Variants in CDH13 observed in about 807,000 individuals in gnomAD.
CDH13 encodes the protein cadherin-13.
Under a neutral mutation model 63.8 loss-of-function variants are expected in CDH13, and 24 were observed. The observed-to-expected ratio is 0.38, with a 90% confidence interval of 0.27 to 0.53. CDH13 has a LOEUF of 0.53. Among genes scored for constraint, CDH13 ranks in the 20% least tolerant of loss-of-function variants. CDH13 has a pLI of 0.85. For missense variants in CDH13, 1,049 were observed against 903.1 expected (o/e 1.16, Z -2.07); for synonymous variants, 503 against 355.3 (o/e 1.42, Z -4.67).
intron 4 of CDH13, among the ~76,000 whole-genome samples, chr16:83,160,365 A>T (rs1387020514): frequency 6.6e-6 from 1 of 152,164 alleles, no homozygotes; most frequent in Non-Finnish European, 1.5e-5. Context: ...ACCGTAAAAA[A>T]ATAAGTTTGA....
chr16:83,236,371 C>A (rs11862822), intron 5 of CDH13, among the ~76,000 whole-genome samples: 2,261 of 152,198 alleles, frequency 0.015, 56 homozygotes, highest in African/African-American at 0.052. Context: ...TGAAGATTTG[C>A]AGGCCAGAAA....
At chr16:83,114,880 C>T (rs570703578) in intron 3 of CDH13, among the ~76,000 whole-genome samples, 14 of 152,308 alleles carry the variant, frequency 9.2e-5, no homozygotes, top group Admixed American at 8.5e-4. Flanking sequence ...GAACTGTCCT[C>T]CTAGCAACTT....
chr16:82,864,639 G>C (rs149921865), intron 2 of CDH13, among the ~76,000 whole-genome samples: 1 of 152,250 alleles, frequency 6.6e-6, no homozygotes, highest in Non-Finnish European at 1.5e-5. Flanking sequence ...CCCTTGAAAC[G>C]TGAGGATTAT....
intron 3 of CDH13, among the ~76,000 whole-genome samples, chr16:83,106,366 T>C (rs1031529247): frequency 6.6e-6 from 1 of 152,066 alleles, no homozygotes; most frequent in Non-Finnish European, 1.5e-5. Flanking sequence ...TGTGAAACCC[T>C]GTCTCTACTA....
chr16:83,273,292 A>T lies in CDH13; in HGVS notation c.636+55795A>T, dbSNP rs200949534. Among the ~76,000 whole-genome samples the T allele has an allele frequency of 7.9e-5, 12 of 152,278 alleles. No homozygotes were observed. In the East Asian group the frequency reaches 2.3e-3, roughly 29 times the overall value. Reference sequence around the variant, plus strand: ...CGATTTTGTCATCCACGTACTAAGCATAATACCCAATAGGTAGTTTTTTTC... The same window carrying T: ...CGATTTTGTCATCCACGTACTAAGCTTAATACCCAATAGGTAGTTTTTTTC... On this transcript the variant is annotated intron_variant, in intron 5 of 13. Transcript: ENST00000567109.
intron 1 of CDH13, among the ~76,000 whole-genome samples, chr16:82,701,578 T>C (rs912545842): frequency 2.0e-5 from 3 of 152,094 alleles, no homozygotes; most frequent in South Asian, 4.2e-4. Flanking sequence ...CAGGAATATG[T>C]CCTATTTGCT....
chr16:83,392,718 G>A (rs1276327446), intron 6 of CDH13, among the ~76,000 whole-genome samples: 1 of 152,200 alleles, frequency 6.6e-6, no homozygotes, highest in Non-Finnish European at 1.5e-5. Flanking sequence ...CAGCTTCAAA[G>A]ACAGAACCAG....
At chr16:83,099,635 C>T (rs797002988) in intron 3 of CDH13, among the ~76,000 whole-genome samples, 10 of 150,474 alleles carry the variant, frequency 6.6e-5, no homozygotes, top group Non-Finnish European at 1.3e-4. Context: ...CTACATATTA[C>T]TTCTAATCCT....
At chr16:82,718,234 C>A (rs2032520645) in intron 1 of CDH13, among the ~76,000 whole-genome samples, 2 of 152,172 alleles carry the variant, frequency 1.3e-5, no homozygotes, top group South Asian at 4.1e-4. Flanking sequence ...TCATAGTTAT[C>A]CCCACTGAGG....
chr16:83,671,066 A>C, intron 9 of CDH13, 94 bp downstream of exon 9: 1 of 1,095,200 alleles, frequency 9.1e-7, no homozygotes, highest in African/African-American at 1.6e-5. Context: ...AAGGCCACAG[A>C]TAAATTCCCC....
chr16:82,828,852 T>C (rs749515053), intron 1 of CDH13, among the ~76,000 whole-genome samples: 56 of 152,192 alleles, frequency 3.7e-4, no homozygotes, highest in Non-Finnish European at 6.2e-4. Flanking sequence ...TATATGCGAA[T>C]ACTATGCCAT....
chr16:83,358,328 G>A (rs1276606970), intron 6 of CDH13, among the ~76,000 whole-genome samples: 3 of 152,188 alleles, frequency 2.0e-5, no homozygotes, highest in Non-Finnish European at 2.9e-5. Context: ...GCTGTCTGGA[G>A]TAGCGATATG....
intron 5 of CDH13, among the ~76,000 whole-genome samples, chr16:83,296,826 T>C (rs750425385): frequency 2.0e-5 from 3 of 152,182 alleles, no homozygotes; most frequent in Non-Finnish European, 2.9e-5. Flanking sequence ...GTAATGTACA[T>C]GGGTAAATGT....
At chr16:82,646,920 A>G (rs939475673) in intron 1 of CDH13, among the ~76,000 whole-genome samples, 17 of 152,316 alleles carry the variant, frequency 1.1e-4, no homozygotes, top group African/African-American at 4.1e-4. Context: ...ATGGGTGACT[A>G]TGAATGTGAA....
At chr16:83,140,387 C>G (rs1011429342) in intron 4 of CDH13, among the ~76,000 whole-genome samples, 13 of 152,364 alleles carry the variant, frequency 8.5e-5, no homozygotes, top group Middle Eastern at 3.4e-3. Flanking sequence ...TTCAGGGCTT[C>G]TAATGTGGGA....
chr16:83,199,542 C>A (rs1446146989), intron 4 of CDH13, among the ~76,000 whole-genome samples: 1 of 152,220 alleles, frequency 6.6e-6, no homozygotes, highest in African/African-American at 2.4e-5. Flanking sequence ...GTAAAATGCA[C>A]ACGTAGCTTT....
At chr16:83,046,800 G>A (rs772222253) in intron 3 of CDH13, among the ~76,000 whole-genome samples, 1 of 152,136 alleles carries the variant, frequency 6.6e-6, no homozygotes, top group East Asian at 1.9e-4. Flanking sequence ...TGACCCTGGT[G>A]CCACCCTTCC....
At chr16:82,771,993 T>A (rs1056408185) in intron 1 of CDH13, among the ~76,000 whole-genome samples, 8 of 152,310 alleles carry the variant, frequency 5.3e-5, no homozygotes, top group South Asian at 4.1e-4. Context: ...GGGGCACAAG[T>A]TGTCAGATGC....
intron 1 of CDH13, among the ~76,000 whole-genome samples, chr16:82,724,746 A>C (rs1431091313): frequency 6.6e-6 from 1 of 152,150 alleles, no homozygotes; most frequent in Non-Finnish European, 1.5e-5. Flanking sequence ...CCTGTGAGAG[A>C]CTGGAAGGCA....
Sources: allele counts gnomAD v4.1 joint callset (sites outside exome capture counted in the v4.1 genomes callset), GRCh38; gene constraint gnomAD v4.1.1; transcripts MANE v1.5; gene names NCBI Gene and HGNC (gene_info 2026-07-23, HGNC 2026-07-21).